Variants in PIK3C2G observed in about 807,000 individuals in gnomAD.
The protein encoded by PIK3C2G is phosphatidylinositol 3-kinase C2 domain-containing subunit gamma.
Under a neutral mutation model 181.1 loss-of-function variants are expected in PIK3C2G, and 168 were observed. The observed-to-expected ratio is 0.93, with a 90% CI of 0.82 to 1.05. The LOEUF is 1.05. Among genes scored for constraint, PIK3C2G ranks in the 50% least tolerant of loss-of-function variants. PIK3C2G has a pLI of 0.00. For missense variants in PIK3C2G, 1,869 were observed against 1,732.8 expected (o/e 1.08, Z -1.40); for synonymous variants, 573 against 592.2 (o/e 0.97, Z 0.47).
intron 24 of PIK3C2G, among the ~76,000 whole-genome samples, chr12:18,509,450 G>T (rs912660403): frequency 6.6e-6 from 1 of 152,226 alleles, no homozygotes; most frequent in African/African-American, 2.4e-5. Flanking sequence ...TTCTCACTGG[G>T]CTGCTGCCCT....
chr12:18,514,778 G>T (rs1039193361), intron 24 of PIK3C2G, among the ~76,000 whole-genome samples: 1 of 151,834 alleles, frequency 6.6e-6, no homozygotes, highest in Non-Finnish European at 1.5e-5. Context: ...CCAACACTAT[G>T]TTGAAGAAAA....
chr12:18,569,612 G>A (rs77662291), intron 29 of PIK3C2G, among the ~76,000 whole-genome samples: 1,737 of 152,250 alleles, frequency 0.011, 22 homozygotes, highest in South Asian at 0.023. Context: ...GCATGACTCA[G>A]TATCCCCATG....
At chr12:18,684,339 ATT>A in the PIK3C2G span, 1 of 1,495,218 alleles carries the variant, frequency 6.7e-7, no homozygotes, top group Non-Finnish European at 9.2e-7. Flanking sequence ...GAAAAAATAG[ATT>A]ACATTTGTTC....
intron 6 of PIK3C2G, among the ~76,000 whole-genome samples, chr12:18,316,147 G>T (rs1950850795): frequency 6.6e-6 from 1 of 152,066 alleles, no homozygotes; most frequent in African/African-American, 2.4e-5. Flanking sequence ...GAACTGAAAA[G>T]TTAAGAGATT....
At chr12:18,384,484 T>C (rs1018483913) in intron 14 of PIK3C2G, among the ~76,000 whole-genome samples, 1 of 152,160 alleles carries the variant, frequency 6.6e-6, no homozygotes, top group African/African-American at 2.4e-5. Flanking sequence ...TCTTGACAGG[T>C]CCAAACCACC....
chr12:18,538,289 C>T lies in PIK3C2G; in HGVS notation c.3457C>T (p.Leu1153=). The T allele has an allele frequency of 6.2e-7, 1 of 1,609,632 alleles. No homozygotes were observed. Among genetic ancestry groups the T allele is most frequent in the Non-Finnish European group, 8.5e-7 (1 of 1,178,282 alleles). ...TAATATTATCAGAAAGCACAGCCAA[C>T]TGCTCTTGAACCTGCTGGAAATGGT... ...AYNIIRKHSQ[L]LLNLLEMMLY... Residue 1153 remains leucine (L), a synonymous_variant, in exon 25 of 33, where the codon CTG becomes TTG. Coordinates refer to ENST00000538779, the MANE Select transcript of PIK3C2G (RefSeq NM_001288772.2).
the PIK3C2G span, among the ~76,000 whole-genome samples, chr12:18,674,830 C>T: frequency 6.6e-6 from 1 of 152,090 alleles, no homozygotes; most frequent in Non-Finnish European, 1.5e-5. Context: ...ACAGATTGCA[C>T]CCTCTGCTCT....
At chr12:18,472,660 T>A (rs1374477668) in intron 18 of PIK3C2G, among the ~76,000 whole-genome samples, 1 of 152,126 alleles carries the variant, frequency 6.6e-6, no homozygotes, top group Admixed American at 6.6e-5. Context: ...GCTTCAATTG[T>A]TGCCCCTCTA....
intron 5 of PIK3C2G, among the ~76,000 whole-genome samples, chr12:18,298,316 C>T (rs1950027939): frequency 6.6e-6 from 1 of 150,636 alleles, no homozygotes; most frequent in Non-Finnish European, 1.5e-5. Context: ...TTGGCCATTT[C>T]TATGTCTTCT....
At chr12:18,284,945 C>CA (rs1380384843) in intron 2 of PIK3C2G, among the ~76,000 whole-genome samples, 1 of 151,850 alleles carries the variant, frequency 6.6e-6, no homozygotes, top group Non-Finnish European at 1.5e-5. Flanking sequence ...AAATAGGGAG[C>CA]AAAATTAATT....
At position 18,373,881 on chromosome 12, in the gene PIK3C2G, G is replaced by A. The variant is rs1217551763; in HGVS notation, c.1880+2570G>A. ...AAAAAAAAAATGCTCAAGTCCAAAG[G>A]TAAATTTGGCCCACAGAAGTTTTAT... On this transcript the variant is annotated intron_variant, in intron 13 of 32. Transcript: ENST00000538779. 2.6e-5 allele frequency among the ~76,000 whole-genome samples: 4 copies of A among 151,960 alleles called. No individual in the cohort carries two copies. The South Asian group carries it at 8.3e-4, about 32-fold the overall frequency.
At chr12:18,492,073 C>T (rs1322247724) in intron 20 of PIK3C2G, among the ~76,000 whole-genome samples, 2 of 152,190 alleles carry the variant, frequency 1.3e-5, no homozygotes, top group African/African-American at 4.8e-5. Flanking sequence ...CATTGTCAGA[C>T]TCACAACTTC....
At chr12:18,642,816 G>GTGTGTGTGTGTGTGTGTGTC (rs34243563) in intron 32 of PIK3C2G, among the ~76,000 whole-genome samples, 4 of 148,960 alleles carry the variant, frequency 2.7e-5, no homozygotes, top group African/African-American at 1.0e-4. Flanking sequence ...GTGTGTGTGT[G>GTGTGTGTGTGTGTGTGTGTC]TGTGTGTATA....
At chr12:18,618,641 T>C (rs1220995528) in intron 31 of PIK3C2G, among the ~76,000 whole-genome samples, 2 of 152,078 alleles carry the variant, frequency 1.3e-5, no homozygotes, top group East Asian at 3.9e-4. Context: ...CACTCTGAAA[T>C]GATCCAGATT....
intron 29 of PIK3C2G, among the ~76,000 whole-genome samples, chr12:18,593,901 T>C (rs1947215389): frequency 6.6e-6 from 1 of 151,802 alleles, no homozygotes; most frequent in African/African-American, 2.4e-5. Flanking sequence ...TGTCTTGATA[T>C]ATCCCCTGAT....
rs914512262 is a variant in PIK3C2G at position 18,449,990 on chromosome 12, A to G, written c.2504+25951A>G. On this transcript the variant is annotated intron_variant, in intron 18 of 32. Coordinates refer to ENST00000538779, the MANE Select transcript of PIK3C2G (RefSeq NM_001288772.2). ...TGATCGCCATTCTGACTGGCATGAG[A>G]TGGTTTCTCATATGGTTTTGATTTG... Among the ~76,000 whole-genome samples, 9 of 152,094 alleles carry G rather than the reference A, an allele frequency of 5.9e-5. 1 individual carries two copies. Among genetic ancestry groups the G allele is most frequent in the Non-Finnish European group, 1.3e-4 (9 of 68,008 alleles).
intron 16 of PIK3C2G, among the ~76,000 whole-genome samples, chr12:18,410,914 C>G (rs1944835248): frequency 6.6e-6 from 1 of 152,122 alleles, no homozygotes; most frequent in South Asian, 2.1e-4. Flanking sequence ...GGAGCGAAAT[C>G]AAGAACTGCT....
chr12:18,632,640 G>A (rs575422246), intron 31 of PIK3C2G, among the ~76,000 whole-genome samples: 17 of 152,326 alleles, frequency 1.1e-4, no homozygotes, highest in Admixed American at 8.5e-4. Flanking sequence ...AACTGGTGGT[G>A]TAGATCCAGT....
chr12:18,408,966 C>T (rs1340696501), intron 16 of PIK3C2G, among the ~76,000 whole-genome samples: 1 of 152,108 alleles, frequency 6.6e-6, no homozygotes, highest in East Asian at 1.9e-4. Context: ...TAAATTAGTT[C>T]AACCTTTGTG....
Sources: gnomAD v4.1 joint callset for allele counts (sites outside exome capture counted in the v4.1 genomes callset) on GRCh38, gnomAD v4.1.1 for gene constraint, MANE v1.5 for transcripts, NCBI Gene and HGNC (gene_info 2026-07-23, HGNC 2026-07-21) for gene names.